The following TCF4 variants were observed in gnomAD, a reference collection of about 807,000 sequenced individuals.
TCF4 encodes the protein SL3-3 enhancer factor 2.
TCF4 carries 3 observed loss-of-function variants against 82.1 expected under a neutral mutation model. The ratio of observed to expected loss-of-function variants is 0.04; its 90% CI spans 0.02 to 0.09. The LOEUF (loss-of-function observed/expected upper bound fraction) is 0.09. Ranked by LOEUF, TCF4 falls within the 10% of genes least tolerant of loss-of-function variation. The probability of loss-of-function intolerance (pLI) is 1.00; values close to 1 mark genes in which losing one functional copy is unlikely to be tolerated. For synonymous variants in TCF4, 276 were observed against 309.6 expected, an observed-to-expected ratio of 0.89 and a Z score of 1.14; for missense variants, 518 against 852.7, an observed-to-expected ratio of 0.61 and a Z score of 4.89.
chr18:55,285,029 C>G (rs1261209616), intron 8 of TCF4, among the ~76,000 whole-genome samples: 1 of 152,112 alleles, frequency 6.6e-6, no homozygotes, highest in Non-Finnish European at 1.5e-5. Context: ...GGACATAGGC[C>G]TCAGTAAGAA....
intron 8 of TCF4, among the ~76,000 whole-genome samples, chr18:55,284,818 C>G (rs1354426686): frequency 6.6e-6 from 1 of 152,170 alleles, no homozygotes; most frequent in Non-Finnish European, 1.5e-5. Flanking sequence ...TGACTCAGGC[C>G]TTGGGAGAGT....
At chr18:55,378,645 G>A (rs1202132268) in intron 6 of TCF4, among the ~76,000 whole-genome samples, 1 of 152,182 alleles carries the variant, frequency 6.6e-6, no homozygotes, top group Non-Finnish European at 1.5e-5. Context: ...CATCCATTTA[G>A]TGTGACTTTG....
At position 55,460,779 on chromosome 18, in the gene TCF4, T is replaced by G. The variant is rs2095855674; in HGVS notation, c.304+240A>C. ...GCTTTAGGTCTAAGGAAAACAAAAT[T>G]TCCACATAGATTCAGTATCACTAAA... On this transcript the variant is annotated intron_variant, in intron 5 of 19. Coordinates refer to ENST00000354452, the MANE Select transcript of TCF4 (RefSeq NM_001083962.2). 2.0e-5 allele frequency among the ~76,000 whole-genome samples: 3 copies of G among 152,170 alleles called. No individual in the cohort carries two copies. The South Asian group carries it at 6.2e-4, about 32-fold the overall frequency.
chr18:55,231,451 C>A (rs1185136916), intron 17 of TCF4: 1 of 152,186 alleles, frequency 6.6e-6, no homozygotes, highest in Non-Finnish European at 1.5e-5. Context: ...ATAAGAGTGA[C>A]CTTTTTAAAT....
At chr18:55,504,252 A>T (rs999103657) in intron 3 of TCF4, among the ~76,000 whole-genome samples, 1 of 152,202 alleles carries the variant, frequency 6.6e-6, no homozygotes, top group Non-Finnish European at 1.5e-5. Context: ...AAACGTATAC[A>T]TGGGAGAAAA....
intron 2 of TCF4, among the ~76,000 whole-genome samples, chr18:55,609,385 T>C (rs1160901579): frequency 6.6e-6 from 1 of 152,158 alleles, no homozygotes; most frequent in Non-Finnish European, 1.5e-5. Context: ...ACCACACACA[T>C]ATTCAGAATT....
Position 55,459,291 on chromosome 18 carries a change from T to A in TCF4, c.304+1728A>T, listed in dbSNP as rs374483921. On this transcript the variant is annotated intron_variant, in intron 5 of 19. Transcript: ENST00000354452. Reference sequence around the variant, plus strand: ...ATACTATTTGGGTTGAAAAACTAATTTGATTTGTAAAGCAGTTGCCCATGA... The same window carrying A: ...ATACTATTTGGGTTGAAAAACTAATATGATTTGTAAAGCAGTTGCCCATGA... Among the ~76,000 whole-genome samples the A allele has an allele frequency of 2.1e-4, 32 of 152,292 alleles. No individual in the cohort carries two copies. In the East Asian group the frequency reaches 3.1e-3, roughly 15 times the overall value.
chr18:55,252,986 C>T (rs2055698422), intron 15 of TCF4, among the ~76,000 whole-genome samples: 3 of 152,168 alleles, frequency 2.0e-5, no homozygotes, highest in Admixed American at 2.0e-4. Context: ...CTCTAAGCAA[C>T]TGCCATGAAC....
chr18:55,433,870 A>G (rs563584736), intron 5 of TCF4, among the ~76,000 whole-genome samples: 1 of 151,988 alleles, frequency 6.6e-6, no homozygotes, highest in Admixed American at 6.6e-5. Context: ...TTATGTGCCC[A>G]ATCATCCATG....
intron 3 of TCF4, among the ~76,000 whole-genome samples, chr18:55,525,430 G>A (rs574577465): frequency 9.9e-4 from 150 of 152,150 alleles, no homozygotes; most frequent in Non-Finnish European, 1.8e-3. Context: ...TTGTTGCTTA[G>A]TAGTAGAGAA....
At chr18:55,354,124 C>T (rs981623992) in intron 6 of TCF4, among the ~76,000 whole-genome samples, 9 of 152,088 alleles carry the variant, frequency 5.9e-5, no homozygotes, top group Non-Finnish European at 1.2e-4. Flanking sequence ...TGAGACAAGC[C>T]CTTCCCCTTA....
intron 5 of TCF4, among the ~76,000 whole-genome samples, chr18:55,432,298 G>A (rs141312072): frequency 4.9e-4 from 74 of 152,192 alleles, no homozygotes; most frequent in African/African-American, 1.6e-3. Context: ...GTGAGACTCT[G>A]TCTCAAAAAT....
chr18:55,609,505 C>A (rs1294144453), intron 2 of TCF4, among the ~76,000 whole-genome samples: 2 of 152,118 alleles, frequency 1.3e-5, no homozygotes, highest in Non-Finnish European at 2.9e-5. Flanking sequence ...GTGAGGCAGC[C>A]TCAGAACTAC....
intron 3 of TCF4, among the ~76,000 whole-genome samples, chr18:55,557,902 T>G (rs995013596): frequency 6.6e-6 from 1 of 152,112 alleles, no homozygotes; most frequent in Admixed American, 6.5e-5. Flanking sequence ...AGTAATCACA[T>G]GGAGTGGGAA....
intron 15 of TCF4, among the ~76,000 whole-genome samples, chr18:55,243,701 T>C (rs752389282): frequency 1.4e-4 from 21 of 152,028 alleles, no homozygotes; most frequent in Non-Finnish European, 2.4e-4. Flanking sequence ...GCAGAACCCA[T>C]TGTGTGCACC....
intron 11 of TCF4, among the ~76,000 whole-genome samples, chr18:55,263,688 C>A (rs1201502992): frequency 4.0e-5 from 6 of 151,122 alleles, no homozygotes; most frequent in Admixed American, 4.0e-4. Context: ...TGATACTAAC[C>A]TTTTTTCAGT....
chr18:55,415,529 A>C (rs2094496222), intron 5 of TCF4, among the ~76,000 whole-genome samples: 1 of 152,172 alleles, frequency 6.6e-6, no homozygotes. Flanking sequence ...ATTTAGTACT[A>C]AGTCTCACCA....
rs199695068 is a variant in TCF4, at chr18:55,251,930, G to GT, written c.1350+2566dup. Among the ~76,000 whole-genome samples, 972 of 101,186 alleles carry GT rather than the reference G, an allele frequency of 9.6e-3. 16 individuals carry two copies. Among genetic ancestry groups the GT allele is most frequent in the African/African-American group, 0.026 (706 of 26,812 alleles). The allele number at this position is 101,186 out of a possible 152,430, so 66.4% of individuals were successfully genotyped here. ...TGTTGTTGTGGGGAAGGGGGATGAG[G>GT]TTTTTTTTTTTTTTTTTTTGCCTTC... is the stretch of plus-strand genomic sequence containing the variant. On this transcript the variant is annotated intron_variant, in intron 15 of 19. Transcript: ENST00000354452.
At chr18:55,521,613 G>A (rs2096934144) in intron 3 of TCF4, among the ~76,000 whole-genome samples, 1 of 152,142 alleles carries the variant, frequency 6.6e-6, no homozygotes, top group Non-Finnish European at 1.5e-5. Flanking sequence ...ACTGATAAAG[G>A]CCATGTGCCT....
Sources: allele counts gnomAD v4.1 joint callset (sites outside exome capture counted in the v4.1 genomes callset), GRCh38; gene constraint gnomAD v4.1.1; transcripts MANE v1.5; gene names NCBI Gene and HGNC (gene_info 2026-07-23, HGNC 2026-07-21).